The following B3GALT5 variants were observed in gnomAD, a reference collection of about 807,000 sequenced individuals.
B3GALT5 encodes the protein beta-1,3-galactosyltransferase 5.
For missense variants in B3GALT5, 328 were observed against 396.6 expected, an observed-to-expected ratio of 0.83 and a Z score of 1.47; for synonymous variants, 156 against 158.6, an observed-to-expected ratio of 0.98 and a Z score of 0.12.
chr21:39,662,974 A>G lies in B3GALT5; in HGVS notation c.*1482A>G, dbSNP rs2079543645. The G allele has an allele frequency of 6.5e-6, 1 of 154,852 alleles. No homozygotes were observed. The highest frequency in any genetic ancestry group is 2.1e-4 in the South Asian group (1 of 4,834). The allele number at this position is 154,852 out of a possible 1,614,324, so 9.6% of individuals were successfully genotyped here. A position where few individuals can be genotyped will look rare whatever the true frequency, so the allele number is the denominator to read the frequency against. ...GTACGTCTGATATCCTATTTTGCAT[A>G]CCATTTCTTGTGTTTGGATTAAGCT... On this transcript the variant is annotated 3_prime_UTR_variant, in exon 4 of 4. Transcript: ENST00000684187.
At chr21:39,619,071 T>G (rs2079121392) in intron 1 of B3GALT5, among the ~76,000 whole-genome samples, 1 of 152,186 alleles carries the variant, frequency 6.6e-6, no homozygotes, top group Admixed American at 6.5e-5. Context: ...CCATTTGTAA[T>G]ACCATACTTG....
chr21:39,654,501 G>T (rs1047194318), intron 2 of B3GALT5, among the ~76,000 whole-genome samples: 6 of 152,346 alleles, frequency 3.9e-5, no homozygotes, highest in African/African-American at 1.4e-4. Flanking sequence ...TGACAAGAAA[G>T]AATTTACAGT....
chr21:39,621,552 G>A lies in B3GALT5; in HGVS notation c.-392+8485G>A, dbSNP rs1602254756. 2.6e-5 allele frequency among the ~76,000 whole-genome samples: 4 copies of A among 151,786 alleles called. 1 individual carries two copies. The highest frequency in any genetic ancestry group is 2.6e-4 in the Admixed American group (4 of 15,252). ...TTTCTGGGTTGTTGCATCGTAGAGTGGAGGCAGTGGACTTCTGATGACAGA... is the reference window on the plus strand; with the variant it reads ...TTTCTGGGTTGTTGCATCGTAGAGTAGAGGCAGTGGACTTCTGATGACAGA... On this transcript the variant is annotated intron_variant, in intron 1 of 3. Transcript: ENST00000684187.
intron 2 of B3GALT5, among the ~76,000 whole-genome samples, chr21:39,648,067 G>A (rs2079358365): frequency 6.6e-6 from 1 of 152,018 alleles, no homozygotes; most frequent in South Asian, 2.1e-4. Flanking sequence ...TTGATTCTTA[G>A]CTTATTGTGT....
chr21:39,654,038 G>C lies in B3GALT5; in HGVS notation c.-160-5715G>C, dbSNP rs569000475. 1.6e-4 allele frequency among the ~76,000 whole-genome samples: 24 copies of C among 152,284 alleles called. No homozygotes were observed. In the South Asian group the frequency reaches 4.8e-3, roughly 30 times the overall value. ...GAGCAATGCTGCTGTGAACATTCTT[G>C]ATCATGTCTTAGTGGACATAAGCAA... On this transcript the variant is annotated intron_variant, in intron 2 of 3. Coordinates refer to ENST00000684187, the MANE Select transcript of B3GALT5 (RefSeq NM_001356336.2).
At chr21:39,622,162 T>G (rs2079137467) in intron 1 of B3GALT5, among the ~76,000 whole-genome samples, 1 of 152,098 alleles carries the variant, frequency 6.6e-6, no homozygotes, top group South Asian at 2.1e-4. Context: ...TTTTGAAAGT[T>G]TCAAAACACA....
At chr21:39,622,040 A>G (rs2079136909) in intron 1 of B3GALT5, among the ~76,000 whole-genome samples, 1 of 152,088 alleles carries the variant, frequency 6.6e-6, no homozygotes, top group Non-Finnish European at 1.5e-5. Flanking sequence ...TTATTTCTAA[A>G]TAATTTTTAA....
At chr21:39,648,671 A>C (rs2079364474) in intron 2 of B3GALT5, among the ~76,000 whole-genome samples, 1 of 152,138 alleles carries the variant, frequency 6.6e-6, no homozygotes, top group Non-Finnish European at 1.5e-5. Flanking sequence ...GGTGCTCAAT[A>C]AACGCTGGGA....
intron 1 of B3GALT5, among the ~76,000 whole-genome samples, chr21:39,634,780 A>C (rs1040804111): frequency 6.6e-6 from 1 of 151,276 alleles, no homozygotes; most frequent in African/African-American, 2.4e-5. Context: ...GTGATCTTGA[A>C]CCCGAGGAAC....
At chr21:39,623,070 TCCTC>T (rs576348620) in intron 1 of B3GALT5, among the ~76,000 whole-genome samples, 6 of 149,092 alleles carry the variant, frequency 4.0e-5, no homozygotes, top group East Asian at 3.9e-4. Context: ...TCTTTTCTTT[TCCTC>T]CCTCCCTCCC....
At position 39,665,139 on chromosome 21, in the gene B3GALT5, T is replaced by C. The variant is rs2079567515; in HGVS notation, c.*3647T>C. 1 of 152,184 alleles carries C rather than the reference T, an allele frequency of 6.6e-6. No individual in the cohort carries two copies. Among genetic ancestry groups the C allele is most frequent in the Non-Finnish European group, 1.5e-5 (1 of 68,148 alleles). The allele number at this position is 152,184 out of a possible 1,614,324, so 9.4% of individuals were successfully genotyped here. The stretch of plus-strand genomic sequence containing the variant: ...CTGCAGCCATTCCCGTCTCAGGTAA[T>C]GGCCACTCCATCTTCCTGCAGCTCA... On this transcript the variant is annotated 3_prime_UTR_variant, in exon 4 of 4. Transcript: ENST00000684187.
At chr21:39,616,174 C>A (rs967710253) in intron 1 of B3GALT5, among the ~76,000 whole-genome samples, 1 of 152,054 alleles carries the variant, frequency 6.6e-6, no homozygotes, top group South Asian at 2.1e-4. Context: ...ATAGCAAGAC[C>A]CCGTCTCTGA....
chr21:39,644,982 C>T (rs1199815961), intron 1 of B3GALT5, among the ~76,000 whole-genome samples: 1 of 152,054 alleles, frequency 6.6e-6, no homozygotes, highest in Non-Finnish European at 1.5e-5. Context: ...GTTGTGTTGT[C>T]AGATGATTGG....
At chr21:39,635,400 G>A (rs868271005) in intron 1 of B3GALT5, among the ~76,000 whole-genome samples, 11 of 152,190 alleles carry the variant, frequency 7.2e-5, no homozygotes, top group Admixed American at 2.0e-4. Flanking sequence ...TCACGGATGC[G>A]TTTGAGTTTC....
At chr21:39,643,599 T>A (rs2079310407) in intron 1 of B3GALT5, among the ~76,000 whole-genome samples, 1 of 152,230 alleles carries the variant, frequency 6.6e-6, no homozygotes, top group South Asian at 2.1e-4. Context: ...CCTCTTTCAT[T>A]TGTGGGTTAT....
Position 39,626,215 on chromosome 21 carries a change from A to G in B3GALT5, c.-392+13148A>G, listed in dbSNP as rs999516875. On this transcript the variant is annotated intron_variant, in intron 1 of 3. Transcript: ENST00000684187. ...TTGTGTCTGGTTTATTTTATGTAGC[A>G]TGTCTTCAAGGTTCATCCATGTTGG... Among the ~76,000 whole-genome samples the G allele has an allele frequency of 4.8e-4, 73 of 152,292 alleles. 1 individual carries two copies. The highest frequency in any genetic ancestry group is 1.5e-3 in the African/African-American group (62 of 41,554).
rs960705781 is a variant in B3GALT5, at chr21:39,662,767, A to C, written c.*1275A>C. 8 of 167,216 alleles carry C rather than the reference A, an allele frequency of 4.8e-5. No individual in the cohort carries two copies. Among genetic ancestry groups the C allele is most frequent in the African/African-American group, 9.7e-5 (4 of 41,438 alleles). 10.4% of individuals were successfully genotyped at this position (167,216 alleles called of 1,614,324 possible). A position where few individuals can be genotyped will look rare whatever the true frequency, so the allele number is the denominator to read the frequency against. On this transcript the variant is annotated 3_prime_UTR_variant, in exon 4 of 4. Transcript: ENST00000684187. The stretch of plus-strand genomic sequence containing the variant: ...CCATGGTCACGTGACATGCAAAGTA[A>C]TCTTGCTCCTAATTATAGAAATGAT...
intron 1 of B3GALT5, among the ~76,000 whole-genome samples, chr21:39,619,720 G>A (rs930119027): frequency 6.6e-6 from 1 of 152,186 alleles, no homozygotes; most frequent in Non-Finnish European, 1.5e-5. Context: ...AACACCACAA[G>A]TTTTAATTGC....
At chr21:39,623,241 C>CCCTTCCTTCCTTCCTTCCTTCCTTCCTT (rs1182848314) in intron 1 of B3GALT5, among the ~76,000 whole-genome samples, 1 of 17,916 alleles carries the variant, frequency 5.6e-5, no homozygotes. Context: ...CTCCCTCCCT[C>CCCTTCCTTCCTTCCTTCCTTCCTTCCTT]CCTTCCTTCC....
Sources: gnomAD v4.1 joint callset for allele counts (sites outside exome capture counted in the v4.1 genomes callset) on GRCh38, gnomAD v4.1.1 for gene constraint, MANE v1.5 for transcripts, NCBI Gene and HGNC (gene_info 2026-07-23, HGNC 2026-07-21) for gene names.